The following RHOBTB1 variants were observed in gnomAD, a reference collection of about 807,000 sequenced individuals.
The protein encoded by RHOBTB1 is rho-related BTB domain-containing protein 1.
Under a neutral mutation model 71.6 loss-of-function variants are expected in RHOBTB1, and 40 were observed. The ratio of observed to expected loss-of-function variants is 0.56; its 90% confidence interval spans 0.43 to 0.73. RHOBTB1 has a LOEUF of 0.73. RHOBTB1 is among the 30% of genes least tolerant of loss of function. The pLI, the probability that RHOBTB1 is intolerant of heterozygous loss-of-function variation, is 0.00. For missense variants in RHOBTB1, 797 were observed against 894.0 expected (o/e 0.89, Z 1.38); for synonymous variants, 319 against 334.9 (o/e 0.95, Z 0.52).
intron 4 of RHOBTB1, among the ~76,000 whole-genome samples, chr10:60,899,613 T>C (rs1318263033): frequency 6.6e-6 from 1 of 152,168 alleles, no homozygotes; most frequent in Admixed American, 6.5e-5. Flanking sequence ...TCAGGAATGG[T>C]CAAGTCACTT....
chr10:60,923,698 C>T (rs192145807), intron 2 of RHOBTB1, among the ~76,000 whole-genome samples: 17 of 152,240 alleles, frequency 1.1e-4, no homozygotes, highest in Middle Eastern at 3.4e-3. Flanking sequence ...GAGAGGGACC[C>T]AGTGGGAAAT....
At chr10:60,983,699 C>A (rs1016645600) in intron 2 of RHOBTB1, among the ~76,000 whole-genome samples, 5 of 152,252 alleles carry the variant, frequency 3.3e-5, no homozygotes, top group African/African-American at 1.2e-4. Flanking sequence ...TGTAATAACC[C>A]CCTAAAGATA....
In RHOBTB1 at chr10:60,973,194, G is replaced by A. The variant is rs117269652; in HGVS notation, c.-62+12651C>T. ...AATTACTTCTGAGAAAACAAGCAGC[G>A]TCTTTCCTCTATCAAAAGGTTCTCA... On this transcript the variant is annotated intron_variant, in intron 2 of 11. Transcript: ENST00000357917. 4.2e-3 allele frequency among the ~76,000 whole-genome samples: 644 copies of A among 152,056 alleles called. 3 individuals carry two copies. Among genetic ancestry groups the A allele is most frequent in the Non-Finnish European group, 6.7e-3 (456 of 67,956 alleles).
At chr10:60,865,053 G>A (rs185872843), downstream of RHOBTB1, among the ~76,000 whole-genome samples, 398 of 152,288 alleles carry the variant, frequency 2.6e-3, no homozygotes, top group Non-Finnish European at 3.9e-3. Flanking sequence ...GGTGACAGTT[G>A]CAAAGGGGTC....
intron 4 of RHOBTB1, among the ~76,000 whole-genome samples, chr10:60,894,373 G>A (rs1315065591): frequency 6.6e-6 from 1 of 152,176 alleles, no homozygotes; most frequent in Non-Finnish European, 1.5e-5. Flanking sequence ...GTATTAATCT[G>A]AATGTTCAGA....
At chr10:60,963,407 A>G (rs1364079969) in intron 2 of RHOBTB1, among the ~76,000 whole-genome samples, 2 of 152,218 alleles carry the variant, frequency 1.3e-5, no homozygotes, top group African/African-American at 4.8e-5. Context: ...GTATTAGAAG[A>G]GGCTTTTAGG....
At chr10:60,877,806 G>T in intron 8 of RHOBTB1, 102 bp downstream of exon 8, 1 of 1,154,382 alleles carries the variant, frequency 8.7e-7, no homozygotes, top group Non-Finnish European at 1.2e-6. Context: ...CCTATTTTGG[G>T]TGATAAAAAA....
rs2086499645 is a variant in RHOBTB1 at position 60,981,658 on chromosome 10, G to C, written c.-62+4187C>G. On this transcript the variant is annotated intron_variant, in intron 2 of 11. Coordinates refer to the RHOBTB1 transcript ENST00000357917. ...CATATTAATCAGACCATATTTCTGA[G>C]CCATTTGTCCAAATATTAGCTTATT... Among the ~76,000 whole-genome samples the C allele has an allele frequency of 3.3e-5, 5 of 152,222 alleles. No individual in the cohort carries two copies. The South Asian group carries it at 1.0e-3, about 32-fold the overall frequency.
chr10:60,969,259 T>C (rs1485449374), intron 2 of RHOBTB1, among the ~76,000 whole-genome samples: 1 of 152,112 alleles, frequency 6.6e-6, no homozygotes, highest in African/African-American at 2.4e-5. Flanking sequence ...ACATATGACT[T>C]GGCTTAGATA....
upstream of RHOBTB1, among the ~76,000 whole-genome samples, chr10:60,948,670 G>T (rs1207280703): frequency 1.3e-5 from 2 of 152,224 alleles, no homozygotes; most frequent in African/African-American, 4.8e-5. Flanking sequence ...ACTAACAGGG[G>T]TTTGAAGCAC....
chr10:60,971,213 C>G (rs2086144214), intron 2 of RHOBTB1, among the ~76,000 whole-genome samples: 1 of 151,896 alleles, frequency 6.6e-6, no homozygotes. Flanking sequence ...TCCAAAATAG[C>G]TGAAAAAGAG....
rs1238775581 is a variant in RHOBTB1 at position 60,888,830 on chromosome 10, C to G, written c.838G>C (p.Ala280Pro). 1 of 1,614,042 alleles carries G rather than the reference C, an allele frequency of 6.2e-7. No homozygotes were observed. The highest frequency in any genetic ancestry group is 8.5e-7 in the Non-Finnish European group (1 of 1,180,036). The change falls in exon 6 of 11, where the codon GCA (alanine) becomes CCA (proline). Residue 280 changes from alanine (A) to proline (P), a missense_variant. Ala to Pro is a conservative substitution (Grantham distance 27). Coordinates refer to ENST00000337910, the MANE Select transcript of RHOBTB1 (RefSeq NM_014836.5). ...FILQDQEHIF[A>P]HRIYLATSSS... is the part of the protein sequence containing the mutation. Reference sequence around the variant, plus strand: ...GAGGTAGCGAGGTAAATTCGATGTGCAAAGATGTGTTCCTGGTCCTGAAGG... The same window carrying G: ...GAGGTAGCGAGGTAAATTCGATGTGGAAAGATGTGTTCCTGGTCCTGAAGG...
intron 6 of RHOBTB1, among the ~76,000 whole-genome samples, chr10:60,887,592 G>A (rs1181473961): frequency 6.6e-6 from 1 of 152,230 alleles, no homozygotes; most frequent in Non-Finnish European, 1.5e-5. Context: ...GGCAAAGGAG[G>A]TGCAGGAAAA....
At chr10:60,911,278 CTTTAGA>C in intron 3 of RHOBTB1, 67 bp downstream of exon 3, 1 of 1,417,180 alleles carries the variant, frequency 7.1e-7, no homozygotes. Context: ...CACGCTCCTC[CTTTAGA>C]AAAAATCAGA....
At chr10:60,997,969 G>T (rs956506531) in intron 1 of RHOBTB1, among the ~76,000 whole-genome samples, 3 of 152,130 alleles carry the variant, frequency 2.0e-5, no homozygotes, top group Non-Finnish European at 4.4e-5. Flanking sequence ...GTCTGTTTTG[G>T]GGGGCTTCAG....
chr10:60,896,326 T>C (rs2082158879), intron 4 of RHOBTB1, among the ~76,000 whole-genome samples: 2 of 152,210 alleles, frequency 1.3e-5, no homozygotes, highest in African/African-American at 4.8e-5. Flanking sequence ...TTAAAAATAA[T>C]TGGGAGTGGT....
intron 1 of RHOBTB1, among the ~76,000 whole-genome samples, chr10:60,988,446 A>G (rs2086744747): frequency 6.6e-6 from 1 of 151,722 alleles, no homozygotes; most frequent in Non-Finnish European, 1.5e-5. Context: ...GTAGTTGTTC[A>G]GCCCTTGCCC....
At chr10:60,874,627 C>G (rs1160728676) in intron 9 of RHOBTB1, among the ~76,000 whole-genome samples, 1 of 152,200 alleles carries the variant, frequency 6.6e-6, no homozygotes, top group Non-Finnish European at 1.5e-5. Context: ...GAAACTGTCT[C>G]TTCTTGGCCA....
intron 9 of RHOBTB1, among the ~76,000 whole-genome samples, chr10:60,874,554 C>T (rs2132236153): frequency 1.3e-5 from 2 of 152,282 alleles, no homozygotes; most frequent in East Asian, 3.9e-4. Flanking sequence ...TAGAAAACTC[C>T]AGAACAGCTG....
Sources: allele counts gnomAD v4.1 joint callset (sites outside exome capture counted in the v4.1 genomes callset), GRCh38; gene constraint gnomAD v4.1.1; transcripts MANE v1.5; gene names NCBI Gene and HGNC (gene_info 2026-07-23, HGNC 2026-07-21).